Variants in B3GAT2 observed in about 807,000 individuals in gnomAD.
B3GAT2 encodes beta-1,3-glucuronyltransferase 2, also known as galactosylgalactosylxylosylprotein 3-beta-glucuronosyltransferase 2.
In B3GAT2, 26 loss-of-function variants were observed where a neutral mutation model predicts 27.8. The observed-to-expected ratio is 0.93, with a 90% CI of 0.68 to 1.30. The LOEUF (loss-of-function observed/expected upper bound fraction) is 1.30, where lower values mean the gene tolerates loss of function less well. Ranked by LOEUF, B3GAT2 falls within the 50% of genes most tolerant of loss-of-function variation. The pLI, the probability that B3GAT2 is intolerant of heterozygous loss-of-function variation, is 0.00. For missense variants in B3GAT2, 458 were observed against 459.0 expected, an observed-to-expected ratio of 1.00 and a Z score of 0.02; for synonymous variants, 218 against 195.1, an observed-to-expected ratio of 1.12 and a Z score of -0.98.
chr6:70,925,640 C>T (rs751202699), intron 1 of B3GAT2, among the ~76,000 whole-genome samples: 10 of 152,186 alleles, frequency 6.6e-5, no homozygotes, highest in Admixed American at 1.3e-4. Flanking sequence ...GTAAACGAAG[C>T]GGCCAGAAAG....
chr6:70,930,944 T>C (rs1469341461), intron 1 of B3GAT2, among the ~76,000 whole-genome samples: 1 of 152,092 alleles, frequency 6.6e-6, no homozygotes, highest in Non-Finnish European at 1.5e-5. Context: ...CAAATGTCCA[T>C]CAATGACAGA....
At chr6:70,894,079 GCATAA>G in intron 2 of B3GAT2, 44 bp downstream of exon 2, 1 of 1,497,924 alleles carries the variant, frequency 6.7e-7, no homozygotes. Flanking sequence ...ATAAACAAGA[GCATAA>G]GAACAGTCCA....
rs1765669243 is a variant in B3GAT2, at chr6:70,957,011, C to T, written c.-582G>A. ...GTTCGCGCGCCGCAGCGGAAGCCTGCTCTCAGTCCCTTGCTCTTGTCTTCT... is the reference window on the plus strand; with the variant it reads ...GTTCGCGCGCCGCAGCGGAAGCCTGTTCTCAGTCCCTTGCTCTTGTCTTCT... On this transcript the variant is annotated 5_prime_UTR_variant, in exon 1 of 4. Coordinates refer to ENST00000230053, the MANE Select transcript of B3GAT2 (RefSeq NM_080742.3). The T allele has an allele frequency of 3.0e-6, 3 of 997,804 alleles. No homozygotes were observed. Among genetic ancestry groups the T allele is most frequent in the East Asian group, 1.1e-4 (1 of 8,814 alleles). The allele number at this position is 997,804 out of a possible 1,614,324, so 61.8% of individuals were successfully genotyped here.
At chr6:70,910,516 T>A (rs1423023642) in intron 1 of B3GAT2, among the ~76,000 whole-genome samples, 1 of 152,226 alleles carries the variant, frequency 6.6e-6, no homozygotes, top group Non-Finnish European at 1.5e-5. Context: ...ATTCTTTTTT[T>A]ATGGTTACGT....
intron 2 of B3GAT2, among the ~76,000 whole-genome samples, chr6:70,870,762 T>C (rs944618205): frequency 6.6e-6 from 1 of 152,164 alleles, no homozygotes; most frequent in Non-Finnish European, 1.5e-5. Flanking sequence ...ATGCCTTTTA[T>C]AAGCTATAGT....
chr6:70,860,523 C>A lies in B3GAT2; in HGVS notation c.*1140G>T. ...TGTGGTGAAAAGCAGGTTGATAAATCATTTTATGTCAAGGGCAGCTTTGCT... is the reference window on the plus strand; with the variant it reads ...TGTGGTGAAAAGCAGGTTGATAAATAATTTTATGTCAAGGGCAGCTTTGCT... On this transcript the variant is annotated 3_prime_UTR_variant, in exon 4 of 4. Coordinates refer to ENST00000230053, the MANE Select transcript of B3GAT2 (RefSeq NM_080742.3). 1 of 534,828 alleles carries A rather than the reference C, an allele frequency of 1.9e-6. No homozygotes were observed. The highest frequency in any genetic ancestry group is 2.9e-6 in the Non-Finnish European group (1 of 340,126). 33.1% of individuals were successfully genotyped at this position (534,828 alleles called of 1,614,324 possible). A position where few individuals can be genotyped will look rare whatever the true frequency, so the allele number is the denominator to read the frequency against.
Position 70,859,222 on chromosome 6 carries a change from T to C in B3GAT2, c.*2441A>G, listed in dbSNP as rs376051306. On this transcript the variant is annotated 3_prime_UTR_variant, in exon 4 of 4. Coordinates refer to ENST00000230053, the MANE Select transcript of B3GAT2 (RefSeq NM_080742.3). ...TCTACCCGCTGGGAATCTAAAAAAT[T>C]GTATGTGCTAAGTGTCAGTCACATG... The C allele has an allele frequency of 1.2e-4, 84 of 683,584 alleles. No individual in the cohort carries two copies. In the East Asian group the frequency reaches 1.5e-3, roughly 12 times the overall value. 42.3% of individuals were successfully genotyped at this position (683,584 alleles called of 1,614,324 possible). A position where few individuals can be genotyped will look rare whatever the true frequency, so the allele number is the denominator to read the frequency against.
intron 2 of B3GAT2, among the ~76,000 whole-genome samples, chr6:70,867,653 T>A (rs117524835): frequency 0.01 from 1,576 of 152,200 alleles, 13 homozygotes; most frequent in Non-Finnish European, 0.015. Flanking sequence ...ATCAAATAAA[T>A]TAAGTTTATA....
chr6:70,919,886 T>C (rs1348497955), intron 1 of B3GAT2, among the ~76,000 whole-genome samples: 1 of 152,192 alleles, frequency 6.6e-6, no homozygotes, highest in Non-Finnish European at 1.5e-5. Context: ...GTCTGTCCGT[T>C]ATCAGAGCTT....
chr6:70,954,350 A>G (rs1039464015), intron 1 of B3GAT2, among the ~76,000 whole-genome samples: 1 of 152,232 alleles, frequency 6.6e-6, no homozygotes, highest in Non-Finnish European at 1.5e-5. Context: ...ATTTGGAGAA[A>G]CGTGGAAAGA....
chr6:70,860,064 G>A lies in B3GAT2; in HGVS notation c.*1599C>T, dbSNP rs1771642016. On this transcript the variant is annotated 3_prime_UTR_variant, in exon 4 of 4. Coordinates refer to ENST00000230053, the MANE Select transcript of B3GAT2 (RefSeq NM_080742.3). The stretch of plus-strand genomic sequence containing the variant: ...TAGCTATTTGCTTTAAGAAATATTT[G>A]TATGGTACTCTGTTTTTATTCCAGT... The A allele has an allele frequency of 1.0e-6, 1 of 954,522 alleles. No individual in the cohort carries two copies. The highest frequency in any genetic ancestry group is 2.7e-5 in the East Asian group (1 of 36,758). 59.1% of individuals were successfully genotyped at this position (954,522 alleles called of 1,614,324 possible). A position where few individuals can be genotyped will look rare whatever the true frequency, so the allele number is the denominator to read the frequency against.
At chr6:70,938,969 A>T (rs1313495885) in intron 1 of B3GAT2, among the ~76,000 whole-genome samples, 1 of 151,914 alleles carries the variant, frequency 6.6e-6, no homozygotes, top group Non-Finnish European at 1.5e-5. Flanking sequence ...GGCAACCTAC[A>T]AAATGGGAGA....
At chr6:70,952,697 C>T (rs1307160066) in intron 1 of B3GAT2, among the ~76,000 whole-genome samples, 1 of 152,078 alleles carries the variant, frequency 6.6e-6, no homozygotes, top group East Asian at 1.9e-4. Context: ...CCTGAAAAAC[C>T]CCACCACCTC....
intron 1 of B3GAT2, among the ~76,000 whole-genome samples, chr6:70,896,740 T>C (rs897279460): frequency 6.6e-6 from 1 of 152,218 alleles, no homozygotes; most frequent in African/African-American, 2.4e-5. Flanking sequence ...ACATTAATAG[T>C]TCCCTCCTTT....
intron 1 of B3GAT2, among the ~76,000 whole-genome samples, chr6:70,912,616 C>T (rs571186343): frequency 9.9e-5 from 15 of 151,230 alleles, no homozygotes; most frequent in Admixed American, 2.0e-4. Flanking sequence ...TCCCAGTTTT[C>T]GTTATCAGGA....
intron 2 of B3GAT2, among the ~76,000 whole-genome samples, chr6:70,868,725 C>T (rs1326789291): frequency 1.3e-5 from 2 of 152,138 alleles, no homozygotes; most frequent in Non-Finnish European, 2.9e-5. Context: ...TCTTTCCCCC[C>T]CCACGTTAAA....
chr6:70,926,925 A>G (rs1167016656), intron 1 of B3GAT2, among the ~76,000 whole-genome samples: 1 of 152,236 alleles, frequency 6.6e-6, no homozygotes, highest in Non-Finnish European at 1.5e-5. Flanking sequence ...GCAGCCAGAG[A>G]GAAAGGTCGG....
At chr6:70,865,939 C>T (rs183572894) in intron 2 of B3GAT2, among the ~76,000 whole-genome samples, 18 of 152,262 alleles carry the variant, frequency 1.2e-4, no homozygotes, top group South Asian at 2.1e-4. Flanking sequence ...GAGGGGAACC[C>T]GGAAAGCTCT....
At chr6:70,918,718 C>T (rs1772817647) in intron 1 of B3GAT2, among the ~76,000 whole-genome samples, 4 of 152,094 alleles carry the variant, frequency 2.6e-5, no homozygotes, top group Admixed American at 1.3e-4. Flanking sequence ...TGTTGAATAT[C>T]GGCCCCCTCT....
Sources: gnomAD v4.1 joint callset for allele counts (sites outside exome capture counted in the v4.1 genomes callset) on GRCh38, gnomAD v4.1.1 for gene constraint, MANE v1.5 for transcripts, NCBI Gene and HGNC (gene_info 2026-07-23, HGNC 2026-07-21) for gene names.